HECW1: variants seen among roughly 807,000 people sequenced by gnomAD.
HECW1 encodes the protein E3 ubiquitin-protein ligase HECW1.
In HECW1, 61 loss-of-function variants were observed where a neutral mutation model predicts 182.3. That is an observed-to-expected ratio of 0.33 (90% confidence interval 0.27 to 0.41). The LOEUF is 0.41. Among genes scored for constraint, HECW1 ranks in the 10% least tolerant of loss-of-function variants. The pLI is 1.00. For missense variants in HECW1, 1,739 were observed against 2,108.9 expected, an observed-to-expected ratio of 0.82 and a Z score of 3.44; for synonymous variants, 859 against 832.6, an observed-to-expected ratio of 1.03 and a Z score of -0.55.
At position 43,541,163 on chromosome 7, in the gene HECW1, G is replaced by T; in HGVS notation, c.4020G>T (p.Trp1340Cys). ...MSAFVENHLE[W>C]FRFSGRILGL... ...TTTCTCTGCCTTGTCTGTGTTCCAG[G>T]TTCAGGTTTAGCGGTCGCATCCTGG... is the stretch of plus-strand genomic sequence containing the variant. The change falls in exon 25 of 30, where the codon TGG becomes TGT. Residue 1340 changes from tryptophan to cysteine, a missense_variant and splice_region_variant. Coordinates refer to ENST00000395891, the MANE Select transcript of HECW1 (RefSeq NM_015052.5). 6.2e-7 allele frequency: 1 copy of T among 1,612,848 alleles called. No homozygotes were observed. Among genetic ancestry groups the T allele is most frequent in the Non-Finnish European group, 8.5e-7 (1 of 1,178,844 alleles).
chr7:43,227,203 A>AC (rs1262826220), intron 2 of HECW1, among the ~76,000 whole-genome samples: 1 of 152,192 alleles, frequency 6.6e-6, no homozygotes, highest in Admixed American at 6.5e-5. Context: ...TGATTATTTA[A>AC]CATTGATCTT....
At chr7:43,356,870 G>T (rs76266372) in intron 5 of HECW1, among the ~76,000 whole-genome samples, 3 of 151,900 alleles carry the variant, frequency 2.0e-5, no homozygotes, top group African/African-American at 7.3e-5. Context: ...AAATGTATGC[G>T]GTATAGTAAA....
At chr7:43,216,030 C>G (rs1451044208) in intron 2 of HECW1, among the ~76,000 whole-genome samples, 1 of 152,098 alleles carries the variant, frequency 6.6e-6, no homozygotes, top group East Asian at 1.9e-4. Flanking sequence ...AGTCTCTGGC[C>G]CTGAGTCAGG....
chr7:43,235,739 G>T (rs969881061), intron 2 of HECW1, among the ~76,000 whole-genome samples: 8 of 152,074 alleles, frequency 5.3e-5, no homozygotes, highest in Admixed American at 5.2e-4. Flanking sequence ...TCAGTATTGG[G>T]CTCTACTGGC....
intron 26 of HECW1, among the ~76,000 whole-genome samples, chr7:43,546,538 T>TG (rs1193804404): frequency 6.6e-6 from 1 of 151,736 alleles, no homozygotes; most frequent in African/African-American, 2.4e-5. Flanking sequence ...GATGTTGTTT[T>TG]GGGGGGCAGG....
chr7:43,391,455 G>A (rs1274535117), intron 6 of HECW1, among the ~76,000 whole-genome samples: 4 of 152,200 alleles, frequency 2.6e-5, no homozygotes, highest in Non-Finnish European at 5.9e-5. Flanking sequence ...GTAAGCAGGA[G>A]TGGGAGTGAA....
chr7:43,293,012 C>G (rs1441687459), intron 3 of HECW1, among the ~76,000 whole-genome samples: 1 of 152,030 alleles, frequency 6.6e-6, no homozygotes, highest in Admixed American at 6.6e-5. Context: ...ATCATGAGGT[C>G]AGGAGATCAA....
chr7:43,384,661 TC>T (rs1244001118), intron 6 of HECW1, among the ~76,000 whole-genome samples: 4 of 152,230 alleles, frequency 2.6e-5, no homozygotes, highest in Admixed American at 1.3e-4. Flanking sequence ...ATCTTTTCAT[TC>T]AGTGAGGAGT....
rs76994767 is a variant in HECW1, at chr7:43,187,554, C to T, written c.-31-56321C>T. Among the ~76,000 whole-genome samples, 808 of 148,844 alleles carry T rather than the reference C, an allele frequency of 5.4e-3. 5 individuals carry two copies. The highest frequency in any genetic ancestry group is 7.9e-3 in the Non-Finnish European group (538 of 67,914). On this transcript the variant is annotated intron_variant, in intron 2 of 29. Transcript: ENST00000395891. ...TATTACCTTTTACTCATTCTAAAAT[C>T]GTTTTTGTGACTTCTATTACTAATA... is the stretch of plus-strand genomic sequence containing the variant.
chr7:43,312,156 T>A, intron 4 of HECW1, 69 bp downstream of exon 4: 1 of 1,319,548 alleles, frequency 7.6e-7, no homozygotes, highest in African/African-American at 1.5e-5. Context: ...TTTAATAAAC[T>A]CTACAATATA....
chr7:43,180,007 T>C (rs1262111273), intron 2 of HECW1, among the ~76,000 whole-genome samples: 1 of 152,220 alleles, frequency 6.6e-6, no homozygotes, highest in Non-Finnish European at 1.5e-5. Flanking sequence ...CAACCTTAGA[T>C]CTGACACCCT....
chr7:43,317,010 G>A (rs1435911933), intron 4 of HECW1, among the ~76,000 whole-genome samples: 2 of 151,680 alleles, frequency 1.3e-5, no homozygotes, highest in African/African-American at 2.4e-5. Context: ...CCATTACTAT[G>A]TGATCTTAGG....
chr7:43,485,758 G>A lies in HECW1; in HGVS notation c.3234+6014G>A, dbSNP rs566744449. On this transcript the variant is annotated intron_variant, in intron 17 of 29. Transcript: ENST00000395891. ...TTACAGTGAATGGAGCTTGAAGGAC[G>A]GAAGTGGCTCTGGGTGAGTCAGTGA... Among the ~76,000 whole-genome samples the A allele has an allele frequency of 1.8e-4, 27 of 152,288 alleles. 1 individual carries two copies. The highest frequency in any genetic ancestry group is 1.5e-3 in the South Asian group (7 of 4,820).
At chr7:43,418,013 T>C (rs963107312) in intron 8 of HECW1, among the ~76,000 whole-genome samples, 4 of 152,236 alleles carry the variant, frequency 2.6e-5, no homozygotes, top group African/African-American at 9.6e-5. Context: ...TGTTTCCTTC[T>C]GAAGGCTCTA....
chr7:43,215,422 G>A (rs1584009374), intron 2 of HECW1, among the ~76,000 whole-genome samples: 1 of 152,322 alleles, frequency 6.6e-6, no homozygotes, highest in East Asian at 1.9e-4. Flanking sequence ...GGATTCCACT[G>A]TTGCACATAA....
intron 2 of HECW1, among the ~76,000 whole-genome samples, chr7:43,125,128 C>T (rs1453349806): frequency 1.3e-5 from 2 of 152,130 alleles, no homozygotes; most frequent in Admixed American, 1.3e-4. Flanking sequence ...GGCTAGGGAG[C>T]ATTCTGGGGC....
chr7:43,313,611 A>G (rs1486747259), intron 4 of HECW1, among the ~76,000 whole-genome samples: 1 of 152,216 alleles, frequency 6.6e-6, no homozygotes, highest in Admixed American at 6.5e-5. Context: ...TGCTGGGATT[A>G]CAGGTGTGAG....
intron 2 of HECW1, among the ~76,000 whole-genome samples, chr7:43,239,625 TG>T (rs1328970133): frequency 1.3e-5 from 2 of 152,250 alleles, no homozygotes. Flanking sequence ...AAATGCCAAT[TG>T]TCCATACTTA....
intron 2 of HECW1, among the ~76,000 whole-genome samples, chr7:43,170,046 C>T (rs1791523475): frequency 6.6e-6 from 1 of 152,202 alleles, no homozygotes; most frequent in Non-Finnish European, 1.5e-5. Context: ...GGGGCTGGTA[C>T]TGGGCCATGG....
Sources: gnomAD v4.1 joint callset for allele counts (sites outside exome capture counted in the v4.1 genomes callset) on GRCh38, gnomAD v4.1.1 for gene constraint, MANE v1.5 for transcripts, NCBI Gene and HGNC (gene_info 2026-07-23, HGNC 2026-07-21) for gene names.